LRRTM4: variants seen among roughly 807,000 people sequenced by gnomAD.
The protein encoded by LRRTM4 is leucine-rich repeat transmembrane neuronal protein 4.
A neutral mutation model predicts 47.6 loss-of-function variants in LRRTM4; 25 were observed. That is an observed-to-expected ratio of 0.53 (90% CI 0.38 to 0.73). The LOEUF (loss-of-function observed/expected upper bound fraction) is 0.73, where lower values mean the gene tolerates loss of function less well. Among genes scored for constraint, LRRTM4 ranks in the 30% least tolerant of loss-of-function variants. LRRTM4 has a pLI of 0.00. For synonymous variants in LRRTM4, 311 were observed against 269.5 expected, an observed-to-expected ratio of 1.15 and a Z score of -1.51; for missense variants, 638 against 713.4, an observed-to-expected ratio of 0.89 and a Z score of 1.20.
At chr2:77,076,284 A>G (rs564409562) in intron 3 of LRRTM4, among the ~76,000 whole-genome samples, 29 of 152,308 alleles carry the variant, frequency 1.9e-4, no homozygotes, top group Non-Finnish European at 2.8e-4. Context: ...TAACTACTCT[A>G]ATTTGTAGCA....
chr2:77,251,522 G>A (rs186728348), intron 3 of LRRTM4, among the ~76,000 whole-genome samples: 214 of 152,132 alleles, frequency 1.4e-3, no homozygotes, highest in Non-Finnish European at 1.7e-3. Context: ...AATAAACAAC[G>A]TGAGTCTAAA....
intron 3 of LRRTM4, among the ~76,000 whole-genome samples, chr2:77,179,302 A>G (rs1673285811): frequency 6.6e-6 from 1 of 152,196 alleles, no homozygotes; most frequent in African/African-American, 2.4e-5. Context: ...GGATCACTCC[A>G]TTTTAGGAAA....
chr2:76,905,822 G>A (rs1673813640), intron 3 of LRRTM4, among the ~76,000 whole-genome samples: 1 of 152,138 alleles, frequency 6.6e-6, no homozygotes, highest in African/African-American at 2.4e-5. Flanking sequence ...AACGAACAAA[G>A]CCTCCAAGAA....
chr2:77,215,515 A>AT (rs915475564), intron 3 of LRRTM4, among the ~76,000 whole-genome samples: 40 of 151,388 alleles, frequency 2.6e-4, no homozygotes, highest in African/African-American at 7.0e-4. Context: ...ATTATGACCT[A>AT]TTTTTTTTTC....
In LRRTM4 at chr2:77,513,380, C is replaced by T. The variant is rs972626054; in HGVS notation, c.1551+4938G>A. On this transcript the variant is annotated intron_variant, in intron 3 of 3. Transcript: ENST00000409884. ...AAACTTTATACTAATCCGAGAATTGCTTTGTGTTGGGAAACACTGTGCTAG... is the reference window on the plus strand; with the variant it reads ...AAACTTTATACTAATCCGAGAATTGTTTTGTGTTGGGAAACACTGTGCTAG... Among the ~76,000 whole-genome samples, 4 of 152,072 alleles carry T rather than the reference C, an allele frequency of 2.6e-5. No homozygotes were observed. In the East Asian group the frequency reaches 7.7e-4, roughly 29 times the overall value.
At chr2:77,009,975 T>TAAA (rs60699157) in intron 3 of LRRTM4, among the ~76,000 whole-genome samples, 2 of 145,630 alleles carry the variant, frequency 1.4e-5, no homozygotes, top group African/African-American at 5.0e-5. Flanking sequence ...ACCCTTTTTT[T>TAAA]AAAAAAAAAA....
intron 3 of LRRTM4, among the ~76,000 whole-genome samples, chr2:77,139,280 T>C (rs1026401809): frequency 1.3e-5 from 2 of 152,090 alleles, no homozygotes; most frequent in Admixed American, 1.3e-4. Context: ...TCCACCATGA[T>C]ATAGTGGGCC....
intron 3 of LRRTM4, among the ~76,000 whole-genome samples, chr2:76,785,312 A>C (rs1034839341): frequency 3.9e-5 from 6 of 152,272 alleles, no homozygotes; most frequent in Admixed American, 2.6e-4. Flanking sequence ...CCCATGAAAC[A>C]AGATCTGATA....
chr2:76,842,238 C>A (rs1403645696), intron 3 of LRRTM4, among the ~76,000 whole-genome samples: 3 of 152,180 alleles, frequency 2.0e-5, no homozygotes, highest in African/African-American at 7.2e-5. Flanking sequence ...TTCTGGTTCC[C>A]TGCTTTTCAG....
intron 3 of LRRTM4, among the ~76,000 whole-genome samples, chr2:76,906,301 G>T (rs1397783810): frequency 7.2e-5 from 11 of 152,034 alleles, no homozygotes; most frequent in African/African-American, 2.4e-4. Flanking sequence ...AATGCTCAGA[G>T]ATTTTGTCAC....
chr2:76,960,087 C>T (rs1001323826), intron 3 of LRRTM4, among the ~76,000 whole-genome samples: 3 of 151,510 alleles, frequency 2.0e-5, no homozygotes, highest in Non-Finnish European at 4.4e-5. Flanking sequence ...CTCAAGGTCT[C>T]CCAGTAGGAC....
intron 3 of LRRTM4, among the ~76,000 whole-genome samples, chr2:76,808,746 G>C (rs2103810735): frequency 6.6e-6 from 1 of 152,302 alleles, no homozygotes; most frequent in South Asian, 2.1e-4. Flanking sequence ...AATGTTGTCT[G>C]GCCAGGCCAC....
chr2:76,774,749 G>C (rs1673887959), intron 3 of LRRTM4, among the ~76,000 whole-genome samples: 1 of 152,126 alleles, frequency 6.6e-6, no homozygotes, highest in Admixed American at 6.5e-5. Context: ...ATTTCTGTCT[G>C]ACATTTTTGC....
chr2:77,301,540 C>T (rs1385862491), intron 3 of LRRTM4, among the ~76,000 whole-genome samples: 1 of 151,982 alleles, frequency 6.6e-6, no homozygotes, highest in African/African-American at 2.4e-5. Context: ...ATTACCAGAG[C>T]CATCCTTTTT....
intron 3 of LRRTM4, among the ~76,000 whole-genome samples, chr2:77,052,653 T>A (rs1432725538): frequency 2.6e-5 from 4 of 152,060 alleles, no homozygotes; most frequent in Admixed American, 2.6e-4. Context: ...ATAACAGGTT[T>A]TATTATAACA....
At chr2:77,267,525 G>T (rs1676079689) in intron 3 of LRRTM4, among the ~76,000 whole-genome samples, 1 of 152,096 alleles carries the variant, frequency 6.6e-6, no homozygotes, top group Non-Finnish European at 1.5e-5. Context: ...ATTTATGAGG[G>T]CACAGCCCTC....
intron 3 of LRRTM4, among the ~76,000 whole-genome samples, chr2:77,449,440 CTTAT>C (rs1357975077): frequency 6.6e-6 from 1 of 152,012 alleles, no homozygotes; most frequent in Non-Finnish European, 1.5e-5. Flanking sequence ...ATTTTTGTTT[CTTAT>C]TTATTTGCCT....
chr2:76,924,320 T>G (rs1674522905), intron 3 of LRRTM4, among the ~76,000 whole-genome samples: 1 of 152,054 alleles, frequency 6.6e-6, no homozygotes, highest in Admixed American at 6.6e-5. Flanking sequence ...ACTCTTCTCT[T>G]TTTGTTCTTT....
At chr2:76,833,916 C>T (rs1316771649) in intron 3 of LRRTM4, among the ~76,000 whole-genome samples, 6 of 151,578 alleles carry the variant, frequency 4.0e-5, no homozygotes, top group Admixed American at 1.3e-4. Context: ...TCCCTAATGC[C>T]ATTAAATATC....
Sources: allele counts gnomAD v4.1 joint callset (sites outside exome capture counted in the v4.1 genomes callset), GRCh38; gene constraint gnomAD v4.1.1; transcripts MANE v1.5; gene names NCBI Gene and HGNC (gene_info 2026-07-23, HGNC 2026-07-21).